The following TMEM161B variants were observed in gnomAD, a reference collection of about 807,000 sequenced individuals.
TMEM161B encodes transmembrane protein 161B.
In TMEM161B, 34 loss-of-function variants were observed where a neutral mutation model predicts 61.8. The ratio of observed to expected loss-of-function variants is 0.55; its 90% confidence interval spans 0.42 to 0.73. The LOEUF (loss-of-function observed/expected upper bound fraction) is 0.73, where lower values mean the gene tolerates loss of function less well. TMEM161B is among the 30% of genes least tolerant of loss of function. TMEM161B has a pLI of 0.00. For missense variants in TMEM161B, 456 were observed against 558.5 expected (o/e 0.82, Z 1.85); for synonymous variants, 167 against 192.8 (o/e 0.87, Z 1.11).
At position 88,211,364 on chromosome 5, in the gene TMEM161B, C is replaced by T. The variant is rs116678105; in HGVS notation, c.447-4184G>A. ...GCATCTTTGAAATAAGATCAGGATG[C>T]TATGAAAAATGAATGGTTAGACATC... On this transcript the variant is annotated intron_variant, in intron 5 of 11. Transcript: ENST00000296595. Among the ~76,000 whole-genome samples, 1,096 of 150,760 alleles carry T rather than the reference C, an allele frequency of 7.3e-3. 17 individuals are homozygous for T. The highest frequency in any genetic ancestry group is 0.026 in the African/African-American group (1,051 of 41,044).
At chr5:88,264,526 G>A (rs1237956810) in intron 1 of TMEM161B, among the ~76,000 whole-genome samples, 4 of 152,192 alleles carry the variant, frequency 2.6e-5, no homozygotes. Flanking sequence ...ACAGTGTGGT[G>A]ATTCCTCAAG....
At chr5:88,188,278 TA>T (rs1427487568), downstream of TMEM161B, among the ~76,000 whole-genome samples, 5 of 54,644 alleles carry the variant, frequency 9.2e-5, no homozygotes, top group Admixed American at 2.5e-4. Context: ...CTAATTTTTG[TA>T]TTTTTTTTTT....
intron 4 of TMEM161B, 104 bp downstream of exon 4, chr5:88,225,665 A>T (rs1749935691): frequency 1.5e-6 from 1 of 645,866 alleles, no homozygotes; most frequent in African/African-American, 1.9e-5. Flanking sequence ...TCTTAGAAAG[A>T]TTCCATATTC....
In TMEM161B at chr5:88,195,324, T is replaced by C; in HGVS notation, c.*887A>G. The C allele has an allele frequency of 1.2e-6, 1 of 812,386 alleles. No individual in the cohort carries two copies. The highest frequency in any genetic ancestry group is 1.5e-6 in the Non-Finnish European group (1 of 673,858). The allele number at this position is 812,386 out of a possible 1,614,324, so 50.3% of individuals were successfully genotyped here. ...TCTGCAACTTAAAATATTATAAGGA[T>C]TCAATATTTTCATCTTTTATAATCT... On this transcript the variant is annotated 3_prime_UTR_variant, in exon 12 of 12. Coordinates refer to ENST00000296595, the MANE Select transcript of TMEM161B (RefSeq NM_153354.5).
At chr5:88,243,075 C>T (rs1401972546) in intron 1 of TMEM161B, among the ~76,000 whole-genome samples, 1 of 151,640 alleles carries the variant, frequency 6.6e-6, no homozygotes, top group Non-Finnish European at 1.5e-5. Context: ...TAAACAGGAC[C>T]ATTTTACTTA....
chr5:88,220,144 C>T (rs888436407), intron 5 of TMEM161B, among the ~76,000 whole-genome samples: 3 of 151,936 alleles, frequency 2.0e-5, no homozygotes, highest in African/African-American at 4.8e-5. Context: ...TTCATAGGCA[C>T]AACATGGTAA....
intron 1 of TMEM161B, among the ~76,000 whole-genome samples, chr5:88,248,114 TC>T (rs1480362121): frequency 6.6e-6 from 1 of 152,046 alleles, no homozygotes; most frequent in Non-Finnish European, 1.5e-5. Flanking sequence ...CATGGAAAGA[TC>T]CAGATAAAAA....
At chr5:88,188,397 T>G (rs566612622), downstream of TMEM161B, among the ~76,000 whole-genome samples, 20 of 151,918 alleles carry the variant, frequency 1.3e-4, no homozygotes, top group South Asian at 3.1e-3. Context: ...ATTACAAGAA[T>G]GAGCCAATGT....
intron 8 of TMEM161B, among the ~76,000 whole-genome samples, chr5:88,204,810 C>A (rs1319479141): frequency 6.8e-6 from 1 of 146,540 alleles, no homozygotes; most frequent in Admixed American, 6.8e-5. Context: ...AGTAAGTAAA[C>A]ACATGTACAA....
intron 5 of TMEM161B, among the ~76,000 whole-genome samples, chr5:88,214,731 T>A (rs1047525644): frequency 1.3e-5 from 2 of 152,176 alleles, no homozygotes; most frequent in African/African-American, 4.8e-5. Context: ...TAACTTGGCA[T>A]AAATGGAAGT....
intron 3 of TMEM161B, among the ~76,000 whole-genome samples, chr5:88,228,138 G>A (rs79871960): frequency 0.011 from 1,690 of 152,180 alleles, 33 homozygotes; most frequent in African/African-American, 0.039. Context: ...ACCAACTGAC[G>A]TCTTTAATTA....
downstream of TMEM161B, among the ~76,000 whole-genome samples, chr5:88,188,246 A>C (rs1748479855): frequency 6.6e-6 from 1 of 150,924 alleles, no homozygotes; most frequent in African/African-American, 2.4e-5. Flanking sequence ...CTGGGATTAC[A>C]GGTGTGTACC....
intron 2 of TMEM161B, among the ~76,000 whole-genome samples, chr5:88,240,145 T>C (rs1346493924): frequency 1.3e-5 from 2 of 151,490 alleles, no homozygotes; most frequent in African/African-American, 2.4e-5. Context: ...GTGGAAGGAG[T>C]AGGGATTGTG....
chr5:88,257,300 A>G (rs1411529733), intron 1 of TMEM161B, among the ~76,000 whole-genome samples: 1 of 152,058 alleles, frequency 6.6e-6, no homozygotes, highest in Non-Finnish European at 1.5e-5. Context: ...ACAAAACAAA[A>G]ACACCTTTCC....
intron 1 of TMEM161B, among the ~76,000 whole-genome samples, chr5:88,242,840 TCAAAA>T (rs573995523): frequency 1.1e-3 from 170 of 151,274 alleles, no homozygotes; most frequent in African/African-American, 3.7e-3. Context: ...TAAAAGAAGA[TCAAAA>T]CAAGTTGAAA....
chr5:88,189,875 A>G (rs1200836938), exon 13 of TMEM161B: 7 of 583,312 alleles, frequency 1.2e-5, no homozygotes, highest in Middle Eastern at 4.5e-4. Flanking sequence ...TCCCTAAACT[A>G]TTTTTGATAG....
chr5:88,195,211 T>C lies in TMEM161B; in HGVS notation c.*1000A>G. On this transcript the variant is annotated 3_prime_UTR_variant, in exon 12 of 12. Transcript: ENST00000296595. Reference sequence around the variant, plus strand: ...AAATAAATTGCTTACTCTGCTGAACTTTCAAAATGTATTTTAATCTCATTC... The same window carrying C: ...AAATAAATTGCTTACTCTGCTGAACCTTCAAAATGTATTTTAATCTCATTC... 2 of 980,944 alleles carry C rather than the reference T, an allele frequency of 2.0e-6. No homozygotes were observed. Among genetic ancestry groups the C allele is most frequent in the Non-Finnish European group, 2.4e-6 (2 of 825,624 alleles). The allele number at this position is 980,944 out of a possible 1,614,324, so 60.8% of individuals were successfully genotyped here. A position where few individuals can be genotyped will look rare whatever the true frequency, so the allele number is the denominator to read the frequency against.
chr5:88,232,186 C>A (rs1222337911), intron 2 of TMEM161B, among the ~76,000 whole-genome samples: 1 of 152,070 alleles, frequency 6.6e-6, no homozygotes, highest in South Asian at 2.1e-4. Context: ...GATTTGTTTA[C>A]AGTATGACAG....
Position 88,197,690 on chromosome 5 carries a change from T to C in TMEM161B, c.1165A>G (p.Thr389Ala). Residue 389 changes from threonine (T) to alanine (A), a missense_variant, in exon 11 of 12, where the codon ACT becomes GCT. By Grantham distance (58) the Thr-to-Ala change is moderately conservative. This residue lies in a region of TMEM161B where 367 missense variants were observed against 427.3 expected (regional missense o/e 0.86). Coordinates refer to ENST00000296595, the MANE Select transcript of TMEM161B (RefSeq NM_153354.5). Reference protein sequence around the residue: ...VAPLVMLLHTTLLLKTLGNHS... With the variant: ...VAPLVMLLHTALLLKTLGNHS... Reference sequence around the variant, plus strand: ...CTACCTAGTGTTTTCAAAAGCAGAGTTGTGTGAAGCAGCATTACCAGAGGC... The same window carrying C: ...CTACCTAGTGTTTTCAAAAGCAGAGCTGTGTGAAGCAGCATTACCAGAGGC... The C allele has an allele frequency of 1.2e-6, 2 of 1,612,516 alleles. No homozygotes were observed. The highest frequency in any genetic ancestry group is 8.5e-7 in the Non-Finnish European group (1 of 1,179,046).
Sources: gnomAD v4.1 joint callset for allele counts (sites outside exome capture counted in the v4.1 genomes callset) on GRCh38, gnomAD v4.1.1 for gene constraint, gnomAD v4.1.1 regional missense constraint, MANE v1.5 for transcripts, NCBI Gene and HGNC (gene_info 2026-07-23, HGNC 2026-07-21) for gene names.